MLLT3: variants seen among roughly 807,000 people sequenced by gnomAD.
MLLT3 encodes MLLT3 super elongation complex subunit, also known as protein AF-9.
Under a neutral mutation model 53.2 loss-of-function variants are expected in MLLT3, and 4 were observed. That is an observed-to-expected ratio of 0.08 (90% confidence interval 0.04 to 0.17). The LOEUF is 0.17. MLLT3 is among the 10% of genes least tolerant of loss of function. MLLT3 has a pLI of 1.00. For missense variants in MLLT3, 569 were observed against 684.0 expected (o/e 0.83, Z 1.87); for synonymous variants, 283 against 230.6 (o/e 1.23, Z -2.06).
chr9:20,421,022 G>A (rs1038537405), intron 4 of MLLT3, among the ~76,000 whole-genome samples: 8 of 152,272 alleles, frequency 5.3e-5, no homozygotes, highest in Admixed American at 1.3e-4. Flanking sequence ...CCAGCACTTT[G>A]GGAGGCTGAG....
chr9:20,394,225 G>A (rs1423879898), intron 5 of MLLT3, among the ~76,000 whole-genome samples: 1 of 152,142 alleles, frequency 6.6e-6, no homozygotes, highest in Non-Finnish European at 1.5e-5. Flanking sequence ...GGGGAGCATT[G>A]AGGGACAGGT....
chr9:20,622,101 G>C (rs1310560037), intron 1 of MLLT3, 144 bp downstream of exon 1: 4 of 996,698 alleles, frequency 4.0e-6, no homozygotes, highest in Non-Finnish European at 5.8e-6. Context: ...CGGAGGCTGA[G>C]GGAGAGGCGG....
intron 5 of MLLT3, among the ~76,000 whole-genome samples, chr9:20,403,112 C>T (rs1417881053): frequency 6.7e-6 from 1 of 149,272 alleles, no homozygotes; most frequent in East Asian, 1.9e-4. Flanking sequence ...CCGAGGGCCC[C>T]CTTTTAAAAA....
chr9:20,389,637 A>G (rs1822135659), intron 5 of MLLT3, among the ~76,000 whole-genome samples: 1 of 151,896 alleles, frequency 6.6e-6, no homozygotes. Context: ...AAAAAAAGCC[A>G]CATGTGGTGG....
chr9:20,450,417 C>G (rs950059791), intron 3 of MLLT3, among the ~76,000 whole-genome samples: 1 of 152,160 alleles, frequency 6.6e-6, no homozygotes, highest in Non-Finnish European at 1.5e-5. Flanking sequence ...TTTAATGGTT[C>G]ATCATTTTCT....
intron 2 of MLLT3, among the ~76,000 whole-genome samples, chr9:20,463,253 T>C (rs757498458): frequency 2.0e-5 from 3 of 150,828 alleles, no homozygotes; most frequent in Non-Finnish European, 4.4e-5. Context: ...ATGTATTCAG[T>C]ATATCCCTGG....
At chr9:20,618,073 A>G (rs1286017032) in intron 2 of MLLT3, among the ~76,000 whole-genome samples, 1 of 152,198 alleles carries the variant, frequency 6.6e-6, no homozygotes, top group Non-Finnish European at 1.5e-5. Flanking sequence ...GCTACTGTAT[A>G]CAGTGAAAGT....
At chr9:20,436,897 C>T (rs905836281) in intron 4 of MLLT3, among the ~76,000 whole-genome samples, 7 of 152,106 alleles carry the variant, frequency 4.6e-5, no homozygotes, top group African/African-American at 2.4e-5. Flanking sequence ...AAACAGCAGT[C>T]ACTGTGCTAA....
chr9:20,350,197 G>C (rs1218658588), intron 10 of MLLT3, among the ~76,000 whole-genome samples: 1 of 152,214 alleles, frequency 6.6e-6, no homozygotes, highest in African/African-American at 2.4e-5. Flanking sequence ...TACCCTCTTT[G>C]CTGATGCAGT....
rs1820753410 is a variant in MLLT3, at chr9:20,342,263, C to T, written c.*4180G>A. The T allele has an allele frequency of 1.3e-5, 3 of 222,518 alleles. No homozygotes were observed. The highest frequency in any genetic ancestry group is 3.7e-4 in the South Asian group (2 of 5,454). 13.8% of individuals were successfully genotyped at this position (222,518 alleles called of 1,614,324 possible). On this transcript the variant is annotated 3_prime_UTR_variant, in exon 11 of 11. Coordinates refer to ENST00000380338, the MANE Select transcript of MLLT3 (RefSeq NM_004529.4). The stretch of plus-strand genomic sequence containing the variant: ...ACCTATTTCTATCAATCTGTACTTA[C>T]ATTTCAACATGGATTTTAGAGAAGG...
chr9:20,599,038 G>T (rs1045140615), intron 2 of MLLT3, among the ~76,000 whole-genome samples: 1 of 152,164 alleles, frequency 6.6e-6, no homozygotes. Flanking sequence ...AGGCGCGGTG[G>T]CTCACGCCTG....
intron 2 of MLLT3, among the ~76,000 whole-genome samples, chr9:20,544,556 T>C (rs143499459): frequency 4.7e-4 from 72 of 152,314 alleles, no homozygotes; most frequent in African/African-American, 1.7e-3. Flanking sequence ...CCACGTAGGA[T>C]GGCCACTACT....
chr9:20,599,832 G>A (rs188519860), intron 2 of MLLT3, among the ~76,000 whole-genome samples: 2 of 152,260 alleles, frequency 1.3e-5, no homozygotes, highest in East Asian at 3.9e-4. Context: ...CATGGACCAT[G>A]GGCAAGTTAG....
chr9:20,431,285 G>A (rs543748989), intron 4 of MLLT3, among the ~76,000 whole-genome samples: 1 of 152,014 alleles, frequency 6.6e-6, no homozygotes, highest in East Asian at 1.9e-4. Context: ...TATATTTTTA[G>A]GCCCCACCCT....
chr9:20,349,034 A>C (rs1277806778), intron 10 of MLLT3, among the ~76,000 whole-genome samples: 1 of 152,204 alleles, frequency 6.6e-6, no homozygotes, highest in African/African-American at 2.4e-5. Context: ...CTTTAGAGCT[A>C]TTATAATTTC....
At chr9:20,450,729 G>C (rs1322617408) in intron 3 of MLLT3, among the ~76,000 whole-genome samples, 1 of 152,144 alleles carries the variant, frequency 6.6e-6, no homozygotes, top group Non-Finnish European at 1.5e-5. Flanking sequence ...ATCTGAATTA[G>C]ATGTCCCTCA....
At chr9:20,513,704 T>C (rs1234052101) in intron 2 of MLLT3, among the ~76,000 whole-genome samples, 1 of 151,228 alleles carries the variant, frequency 6.6e-6, no homozygotes, top group Non-Finnish European at 1.5e-5. Context: ...ATGAGGGAGG[T>C]GGTTGTACAC....
At chr9:20,591,676 G>A (rs182892173) in intron 2 of MLLT3, among the ~76,000 whole-genome samples, 1 of 152,062 alleles carries the variant, frequency 6.6e-6, no homozygotes, top group Non-Finnish European at 1.5e-5. Flanking sequence ...CACCATTTAG[G>A]GAGCATCTTG....
chr9:20,530,916 C>A (rs1587032763), intron 2 of MLLT3, among the ~76,000 whole-genome samples: 2 of 152,046 alleles, frequency 1.3e-5, no homozygotes, highest in Non-Finnish European at 2.9e-5. Context: ...CAGGTGTGAG[C>A]CATCGTGCCT....
Sources: allele counts gnomAD v4.1 joint callset (sites outside exome capture counted in the v4.1 genomes callset), GRCh38; gene constraint gnomAD v4.1.1; transcripts MANE v1.5; gene names NCBI Gene and HGNC (gene_info 2026-07-23, HGNC 2026-07-21).